The following KCNT1 variants were observed in gnomAD, a reference collection of about 807,000 sequenced individuals.
The protein encoded by KCNT1 is potassium sodium-activated channel subfamily T member 1.
A neutral mutation model predicts 147.8 loss-of-function variants in KCNT1; 78 were observed. That is an observed-to-expected ratio of 0.53 (90% CI 0.44 to 0.64). The LOEUF is 0.64. KCNT1 is among the 30% of genes least tolerant of loss of function. The pLI, the probability that KCNT1 is intolerant of heterozygous loss-of-function variation, is 0.00. For missense variants in KCNT1, 1,419 were observed against 1,750.3 expected (o/e 0.81, Z 3.38); for synonymous variants, 867 against 748.8 (o/e 1.16, Z -2.58).
At chr9:135,791,412 T>C in intron 29 of KCNT1, 1 of 226,096 alleles carries the variant, frequency 4.4e-6, no homozygotes, top group Non-Finnish European at 8.8e-6. Context: ...GATGAAGGCA[T>C]GCATGCATGT....
At chr9:135,712,975 TC>T (rs1381546770) in intron 1 of KCNT1, among the ~76,000 whole-genome samples, 2 of 152,140 alleles carry the variant, frequency 1.3e-5, no homozygotes, top group Non-Finnish European at 2.9e-5. Context: ...TGCACTTCCT[TC>T]CCCTGGTGAC....
chr9:135,756,885 A>C lies in KCNT1; in HGVS notation c.553A>C (p.Ile185Leu). ...TCCTGACTCCCAGGTCATCGTGGCCATAATAAGCTTCCTGGAGACGATGCT... is the reference window on the plus strand; with the variant it reads ...TCCTGACTCCCAGGTCATCGTGGCCCTAATAAGCTTCCTGGAGACGATGCT... The part of the protein sequence containing the change: ...TLWAIQVIVA[I>L]ISFLETMLLI... Residue 185 changes from isoleucine (I) to leucine (L), a missense_variant, in exon 7 of 31, where the codon ATA (isoleucine) becomes CTA (leucine). By Grantham distance (5) the Ile-to-Leu change is conservative. Transcript: ENST00000371757. 6.2e-7 allele frequency: 1 copy of C among 1,613,172 alleles called. No individual in the cohort carries two copies. The highest frequency in any genetic ancestry group is 8.5e-7 in the Non-Finnish European group (1 of 1,179,872).
rs1833835923 is a variant in KCNT1, at chr9:135,784,143, A to T, written c.2943+18A>T. On this transcript the variant is annotated intron_variant, in intron 25 of 30. Coordinates refer to ENST00000371757, the MANE Select transcript of KCNT1 (RefSeq NM_020822.3). ...TCTACCAGGTCAGCGGGGAAGCGGC[A>T]GCAGGAGGGTGGCGCCTGGGTGGGA... 6.3e-7 allele frequency: 1 copy of T among 1,594,674 alleles called. No homozygotes were observed.
intron 2 of KCNT1, among the ~76,000 whole-genome samples, chr9:135,731,989 TATAGAGAGAG>T (rs1368574207): frequency 9.1e-4 from 17 of 18,646 alleles, no homozygotes; most frequent in Non-Finnish European, 1.1e-3. Flanking sequence ...TATATATATA[TATAGAGAGAG>T]AGAGAGAGAG....
chr9:135,787,325 C>G (rs1834137506), intron 29 of KCNT1, among the ~76,000 whole-genome samples: 1 of 152,222 alleles, frequency 6.6e-6, no homozygotes, highest in South Asian at 2.1e-4. Context: ...CATCCCCTCC[C>G]TCACTCTAGA....
chr9:135,761,310 T>A (rs955319223), intron 11 of KCNT1, among the ~76,000 whole-genome samples: 1 of 152,164 alleles, frequency 6.6e-6, no homozygotes, highest in Non-Finnish European at 1.5e-5. Flanking sequence ...GGAACCACCA[T>A]GTGGGGTGGG....
At chr9:135,770,602 G>T (rs547109549) in intron 17 of KCNT1, among the ~76,000 whole-genome samples, 155 bp downstream of exon 17, 14 of 152,266 alleles carry the variant, frequency 9.2e-5, no homozygotes, top group Non-Finnish European at 1.8e-4. Flanking sequence ...GAGGGCAGCC[G>T]CAGGACTGGG....
intron 29 of KCNT1, chr9:135,788,027 C>A: frequency 8.3e-7 from 1 of 1,203,136 alleles, no homozygotes; most frequent in Non-Finnish European, 1.2e-6. Flanking sequence ...ACTGTGCCGG[C>A]CGCCCGCACC....
intron 6 of KCNT1, 94 bp downstream of exon 6, chr9:135,755,263 G>A (rs1233417664): frequency 4.2e-5 from 45 of 1,063,076 alleles, no homozygotes; most frequent in African/African-American, 2.4e-4. Context: ...ACCCAGGCTC[G>A]GTGAGCACTG....
At chr9:135,732,853 T>A (rs1830163501) in intron 2 of KCNT1, among the ~76,000 whole-genome samples, 1 of 151,718 alleles carries the variant, frequency 6.6e-6, no homozygotes, top group Admixed American at 6.6e-5. Context: ...TCCATGCCCT[T>A]CTCCCACTGG....
At chr9:135,786,072 C>T (rs995729062) in intron 28 of KCNT1, 125 bp from the exon 29 acceptor site, 8 of 798,398 alleles carry the variant, frequency 1.0e-5, no homozygotes, top group Admixed American at 2.9e-5. Flanking sequence ...CCTAACACCC[C>T]CAGCTGCTCC....
rs567569279 is a variant in KCNT1 at position 135,715,953 on chromosome 9, G to A, written c.254+1233G>A. On this transcript the variant is annotated intron_variant, in intron 2 of 30. Coordinates refer to ENST00000371757, the MANE Select transcript of KCNT1 (RefSeq NM_020822.3). ...CCTTTTAAACTTGGTTTTTCATCTTGTTGAACTCAGTGCTCTAATAATGAG... is the reference window on the plus strand; with the variant it reads ...CCTTTTAAACTTGGTTTTTCATCTTATTGAACTCAGTGCTCTAATAATGAG... Among the ~76,000 whole-genome samples, 6 of 152,296 alleles carry A rather than the reference G, an allele frequency of 3.9e-5. No homozygotes were observed. In the South Asian group the frequency reaches 1.2e-3, roughly 32 times the overall value.
At chr9:135,754,472 C>T (rs11103164) in intron 5 of KCNT1, among the ~76,000 whole-genome samples, 36,793 of 152,122 alleles carry the variant, frequency 0.24, 4,695 homozygotes, top group Middle Eastern at 0.35. Flanking sequence ...GCACCTGCCC[C>T]GGGCAGGCAG....
At chr9:135,756,679 A>G (rs1831501390) in intron 6 of KCNT1, among the ~76,000 whole-genome samples, 194 bp from the exon 7 acceptor site, 1 of 152,086 alleles carries the variant, frequency 6.6e-6, no homozygotes, top group African/African-American at 2.4e-5. Context: ...TCAAGACTCC[A>G]TCTGCCCTCG....
chr9:135,759,596 C>A, intron 10 of KCNT1, 83 bp from the exon 11 acceptor site: 1 of 1,441,526 alleles, frequency 6.9e-7, no homozygotes, highest in Non-Finnish European at 9.3e-7. Flanking sequence ...CAGTGAGGGT[C>A]CCGTGGGCAG....
rs1835647245 is a variant in KCNT1, at chr9:135,714,687, T to A, written c.221T>A (p.Leu74Gln). The part of the protein sequence containing the change: ...LPPRYRFRDL[L>Q]LGDPSFQNDD... ...CCGCGCTACCGCTTCCGGGACCTGC[T>A]GCTGGGCGACCCGTCCTTCCAGAAC... The change falls in exon 2 of 31, where the codon CTG (leucine) becomes CAG (glutamine). Residue 74 changes from leucine to glutamine, a missense_variant. Physicochemically the swap from Leu to Gln is moderately radical, Grantham distance 113. This residue lies in a region of KCNT1 where 181 missense variants were observed against 155.7 expected (regional missense o/e 1.16). Coordinates refer to ENST00000371757, the MANE Select transcript of KCNT1 (RefSeq NM_020822.3). The surrounding 1 kb of genome is among the most constrained non-coding windows in gnomAD (Gnocchi z 6.2). The A allele has an allele frequency of 6.8e-7, 1 of 1,473,764 alleles. No individual in the cohort carries two copies. The highest frequency in any genetic ancestry group is 9.1e-7 in the Non-Finnish European group (1 of 1,102,050). 91.3% of individuals were successfully genotyped at this position (1,473,764 alleles called of 1,614,324 possible). A position where few individuals can be genotyped will look rare whatever the true frequency, so the allele number is the denominator to read the frequency against.
At position 135,792,363 on chromosome 9, in the gene KCNT1, G is replaced by A. The variant is rs1834604745; in HGVS notation, c.*202G>A. ...CCCCTGGGCACCTGCAGGCTAGTGA[G>A]GAGAGTTTTTTAACCTATTTTTACA... On this transcript the variant is annotated 3_prime_UTR_variant, in exon 31 of 31. Transcript: ENST00000371757. 8.5e-6 allele frequency: 5 copies of A among 588,760 alleles called. No individual in the cohort carries two copies. The South Asian group carries it at 1.0e-4, about 12-fold the overall frequency. 36.5% of individuals were successfully genotyped at this position (588,760 alleles called of 1,614,324 possible). A position where few individuals can be genotyped will look rare whatever the true frequency, so the allele number is the denominator to read the frequency against.
At chr9:135,735,995 C>G (rs991816387) in intron 2 of KCNT1, among the ~76,000 whole-genome samples, 1 of 152,232 alleles carries the variant, frequency 6.6e-6, no homozygotes, top group Non-Finnish European at 1.5e-5. Context: ...GCATCTGGGG[C>G]AGACCAGCGC....
chr9:135,761,964 AG>A (rs1831943005), intron 11 of KCNT1, among the ~76,000 whole-genome samples: 1 of 152,240 alleles, frequency 6.6e-6, no homozygotes, highest in African/African-American at 2.4e-5. Flanking sequence ...CAAATAAAGC[AG>A]GAGCGAAGCG....
Sources: gnomAD v4.1 joint callset for allele counts (sites outside exome capture counted in the v4.1 genomes callset) on GRCh38, gnomAD v4.1.1 for gene constraint, gnomAD v4.1.1 regional missense constraint, Gnocchi (gnomAD v3.1) non-coding constraint, MANE v1.5 for transcripts, NCBI Gene and HGNC (gene_info 2026-07-23, HGNC 2026-07-21) for gene names.